Variants in FREM3 observed in about 807,000 individuals in gnomAD.
FREM3 encodes FRAS1 related extracellular matrix 3, also known as FRAS1-related extracellular matrix protein 3.
Under a neutral mutation model 129.1 loss-of-function variants are expected in FREM3, and 105 were observed. That is an observed-to-expected ratio of 0.81 (90% CI 0.69 to 0.96). FREM3 has a LOEUF of 0.96. Among genes scored for constraint, FREM3 ranks in the 40% least tolerant of loss-of-function variants. The pLI, the probability that FREM3 is intolerant of heterozygous loss-of-function variation, is 0.00. For synonymous variants in FREM3, 1,014 were observed against 1,044.9 expected, an observed-to-expected ratio of 0.97 and a Z score of 0.57; for missense variants, 2,593 against 2,666.3, an observed-to-expected ratio of 0.97 and a Z score of 0.61.
rs1199140459 is a variant in FREM3, at chr4:143,700,241, G to T, written c.435C>A (p.Tyr145Ter). ...GRARVLLQLR[Y>*]DAPTHTLVLP... ...GCACCAGAGTGTGAGTCGGGGCGTC[G>T]TAGCGCAGCTGCAGCAGCACCCGGG... The change falls in exon 1 of 8, where the codon TAC (tyrosine) becomes TAA (stop). Residue 145 changes from tyrosine (Y) to a stop codon, truncating the protein, a stop_gained. Coordinates refer to ENST00000329798, the MANE Select transcript of FREM3 (RefSeq NM_001168235.2). LOFTEE classifies it high-confidence loss of function. 5.9e-6 allele frequency: 9 copies of T among 1,536,626 alleles called. No individual in the cohort carries two copies. In the Admixed American group the frequency reaches 9.8e-5, roughly 17 times the overall value.
chr4:143,687,064 A>G lies in FREM3; in HGVS notation c.5275+6049T>C, dbSNP rs576620165. Among the ~76,000 whole-genome samples, 41 of 152,062 alleles carry G rather than the reference A, an allele frequency of 2.7e-4. No homozygotes were observed. The South Asian group carries it at 7.3e-3, about 27-fold the overall frequency. On this transcript the variant is annotated intron_variant, in intron 2 of 7. Transcript: ENST00000329798. Reference sequence around the variant, plus strand: ...AAAATATATTTTTTTCAAAGATATTATCTTTGAAAAGATAAATAAAATTGA... The same window carrying G: ...AAAATATATTTTTTTCAAAGATATTGTCTTTGAAAAGATAAATAAAATTGA...
chr4:143,583,592 G>T (rs1274736667), intron 7 of FREM3, among the ~76,000 whole-genome samples: 1 of 151,912 alleles, frequency 6.6e-6, no homozygotes, highest in African/African-American at 2.4e-5. Flanking sequence ...ACCTCATCAG[G>T]CTAACAGCAT....
intron 2 of FREM3, among the ~76,000 whole-genome samples, chr4:143,638,095 C>A (rs1023726729): frequency 1.3e-5 from 2 of 152,134 alleles, no homozygotes; most frequent in African/African-American, 4.8e-5. Context: ...TTTTCGTGCC[C>A]TTTTTCTCCT....
chr4:143,609,151 G>A (rs1418047640), intron 6 of FREM3, among the ~76,000 whole-genome samples: 1 of 152,138 alleles, frequency 6.6e-6, no homozygotes, highest in Non-Finnish European at 1.5e-5. Flanking sequence ...CAGAGAGAGT[G>A]TGTCTCAGGC....
chr4:143,609,614 A>G (rs574778691), intron 6 of FREM3, among the ~76,000 whole-genome samples: 20 of 152,230 alleles, frequency 1.3e-4, no homozygotes, highest in African/African-American at 4.3e-4. Flanking sequence ...TTGCTTCAAT[A>G]TCCTAATCAT....
intron 2 of FREM3, among the ~76,000 whole-genome samples, chr4:143,663,021 T>C (rs6820434): frequency 0.54 from 82,494 of 151,852 alleles, 23,491 homozygotes; most frequent in East Asian, 0.71. Context: ...CACTGATGGG[T>C]CTTGACTCTT....
chr4:143,624,122 A>G lies in FREM3; in HGVS notation c.5639T>C (p.Val1880Ala). 2.6e-6 allele frequency: 4 copies of G among 1,528,834 alleles called. No homozygotes were observed. Among genetic ancestry groups the G allele is most frequent in the Non-Finnish European group, 3.5e-6 (4 of 1,139,260 alleles). The allele number at this position is 1,528,834 out of a possible 1,614,324, so 94.7% of individuals were successfully genotyped here. The change falls in exon 4 of 8, where the codon GTA (valine) becomes GCA (alanine). Residue 1880 changes from valine (V) to alanine (A), a missense_variant. Around this residue, in one of 2 missense-constraint regions of FREM3, gnomAD observed 317 missense variants for 399.0 expected, o/e 0.79. Transcript: ENST00000329798. ...GTGTCACATACCATCTCCAGGGTCTACAATTTCAACCGTTGCCATTTCTGG... is the reference window on the plus strand; with the variant it reads ...GTGTCACATACCATCTCCAGGGTCTGCAATTTCAACCGTTGCCATTTCTGG... ...EFPEMATVEIVDPGDESTVYI... is the reference protein window; with the variant it reads ...EFPEMATVEIADPGDESTVYI...
intron 2 of FREM3, among the ~76,000 whole-genome samples, chr4:143,671,901 A>G (rs184901082): frequency 8.5e-5 from 13 of 152,370 alleles, no homozygotes; most frequent in Admixed American, 7.2e-4. Flanking sequence ...AGTAAGATTT[A>G]AAGCCATTTA....
intron 7 of FREM3, among the ~76,000 whole-genome samples, chr4:143,581,815 C>T (rs944378089): frequency 6.6e-6 from 1 of 151,310 alleles, no homozygotes; most frequent in Non-Finnish European, 1.5e-5. Flanking sequence ...CTCTGCATTT[C>T]TCTGGGGTGG....
At chr4:143,677,638 T>G (rs542236419) in intron 2 of FREM3, among the ~76,000 whole-genome samples, 1 of 152,306 alleles carries the variant, frequency 6.6e-6, no homozygotes, top group African/African-American at 2.4e-5. Flanking sequence ...TTTTGCAATC[T>G]ACTCATCTGA....
At chr4:143,650,153 A>G (rs1184653682) in intron 2 of FREM3, among the ~76,000 whole-genome samples, 24 of 152,232 alleles carry the variant, frequency 1.6e-4, no homozygotes, top group Admixed American at 1.6e-3. Flanking sequence ...CTGAAAAGAC[A>G]CTAATAGTGT....
At chr4:143,648,744 T>C (rs1739462207) in intron 2 of FREM3, among the ~76,000 whole-genome samples, 1 of 152,184 alleles carries the variant, frequency 6.6e-6, no homozygotes, top group South Asian at 2.1e-4. Flanking sequence ...AATTACCCAG[T>C]CTTGGGCAGT....
chr4:143,629,193 C>A lies in FREM3; in HGVS notation c.5276-1433G>T, dbSNP rs564261130. Among the ~76,000 whole-genome samples, 8 of 152,254 alleles carry A rather than the reference C, an allele frequency of 5.3e-5. No individual in the cohort carries two copies. The South Asian group carries it at 1.7e-3, about 32-fold the overall frequency. ...CAGATGGCAATGATACTTTCTATACCAGACTGTGCTCTGCCTACCTTATCT... is the reference window on the plus strand; with the variant it reads ...CAGATGGCAATGATACTTTCTATACAAGACTGTGCTCTGCCTACCTTATCT... On this transcript the variant is annotated intron_variant, in intron 2 of 7. Transcript: ENST00000329798.
intron 1 of FREM3, among the ~76,000 whole-genome samples, chr4:143,693,663 C>T (rs757026027): frequency 6.6e-6 from 1 of 152,214 alleles, no homozygotes; most frequent in Non-Finnish European, 1.5e-5. Context: ...TTCATAGCAG[C>T]ACTACTCACG....
intron 6 of FREM3, among the ~76,000 whole-genome samples, chr4:143,599,305 C>T (rs997780357): frequency 3.3e-5 from 5 of 151,962 alleles, no homozygotes; most frequent in South Asian, 2.1e-4. Flanking sequence ...CTAAGGGACA[C>T]GATATTAGAG....
chr4:143,619,481 G>C (rs1738909555), intron 5 of FREM3, among the ~76,000 whole-genome samples: 1 of 152,126 alleles, frequency 6.6e-6, no homozygotes. Context: ...TGTGAACGTT[G>C]TAAATCTTCT....
intron 6 of FREM3, among the ~76,000 whole-genome samples, chr4:143,606,719 C>T (rs781530001): frequency 2.6e-5 from 4 of 152,080 alleles, no homozygotes; most frequent in Admixed American, 1.3e-4. Flanking sequence ...GCTTCAACAA[C>T]GAGGAGGCTG....
chr4:143,689,888 G>C (rs915785889), intron 2 of FREM3, among the ~76,000 whole-genome samples: 1 of 138,714 alleles, frequency 7.2e-6, no homozygotes, highest in Non-Finnish European at 1.6e-5. Flanking sequence ...GGGGGGAAGA[G>C]TGGGAGGGGG....
intron 5 of FREM3, among the ~76,000 whole-genome samples, chr4:143,617,171 TAAA>T (rs1269004156): frequency 6.6e-6 from 1 of 151,002 alleles, no homozygotes; most frequent in Admixed American, 6.6e-5. Flanking sequence ...AGTCTTTACT[TAAA>T]GAATCTTTGC....
Sources: gnomAD v4.1 joint callset for allele counts (sites outside exome capture counted in the v4.1 genomes callset) on GRCh38, gnomAD v4.1.1 for gene constraint, gnomAD v4.1.1 regional missense constraint, MANE v1.5 for transcripts, NCBI Gene and HGNC (gene_info 2026-07-23, HGNC 2026-07-21) for gene names.